The following GRIK4 variants were observed in gnomAD, a reference collection of about 807,000 sequenced individuals.
GRIK4 encodes the protein glutamate ionotropic receptor kainate type subunit 4, also known as glutamate receptor ionotropic, kainate 4.
GRIK4 carries 40 observed loss-of-function variants against 104.9 expected under a neutral mutation model. The observed-to-expected ratio is 0.38, with a 90% confidence interval of 0.30 to 0.50. The LOEUF (loss-of-function observed/expected upper bound fraction) is 0.50. GRIK4 is among the 20% of genes least tolerant of loss of function. The pLI is 0.93. For synonymous variants in GRIK4, 485 were observed against 524.9 expected, an observed-to-expected ratio of 0.92 and a Z score of 1.04; for missense variants, 1,047 against 1,308.1, an observed-to-expected ratio of 0.80 and a Z score of 3.08.
chr11:120,797,346 C>CCAGCCAGG (rs1169341543), intron 3 of GRIK4, among the ~76,000 whole-genome samples: 3 of 152,152 alleles, frequency 2.0e-5, no homozygotes, highest in South Asian at 4.2e-4. Flanking sequence ...GCGTCCCAGC[C>CCAGCCAGG]CAGCCAGGCA....
intron 9 of GRIK4, among the ~76,000 whole-genome samples, chr11:120,865,341 C>T (rs932561377): frequency 1.3e-5 from 2 of 152,248 alleles, no homozygotes; most frequent in Admixed American, 6.5e-5. Flanking sequence ...TCATGATACA[C>T]AATAAATATG....
At chr11:120,981,145 T>C (rs1313696907) in intron 19 of GRIK4, among the ~76,000 whole-genome samples, 1 of 152,190 alleles carries the variant, frequency 6.6e-6, no homozygotes, top group Non-Finnish European at 1.5e-5. Flanking sequence ...TTTCTGATTG[T>C]GGCCCCAGTT....
At chr11:120,717,472 A>G (rs566187665) in intron 3 of GRIK4, among the ~76,000 whole-genome samples, 236 of 152,014 alleles carry the variant, frequency 1.6e-3, no homozygotes, top group African/African-American at 5.3e-3. Context: ...TGGGCCCACT[A>G]TCTCCTTTGC....
chr11:120,907,202 C>T (rs1196713981), intron 13 of GRIK4, among the ~76,000 whole-genome samples: 1 of 152,174 alleles, frequency 6.6e-6, no homozygotes, highest in Non-Finnish European at 1.5e-5. Flanking sequence ...AGCCGAAATG[C>T]CAGGCCTTTT....
chr11:120,624,608 C>T (rs1472923060), intron 1 of GRIK4, among the ~76,000 whole-genome samples: 1 of 152,202 alleles, frequency 6.6e-6, no homozygotes, highest in African/African-American at 2.4e-5. Context: ...GTGAAGTCCT[C>T]TGCAAGACAC....
intron 3 of GRIK4, among the ~76,000 whole-genome samples, chr11:120,799,811 CT>C (rs1952589222): frequency 6.6e-6 from 1 of 152,142 alleles, no homozygotes; most frequent in Non-Finnish European, 1.5e-5. Flanking sequence ...TTAGATGTCT[CT>C]TTTCCTTGTT....
intron 3 of GRIK4, among the ~76,000 whole-genome samples, chr11:120,681,525 C>T (rs1360578549): frequency 6.6e-6 from 1 of 152,228 alleles, no homozygotes; most frequent in African/African-American, 2.4e-5. Flanking sequence ...ACTCTCCACC[C>T]TGGTCTAGAT....
rs73586154 is a variant in GRIK4 at position 120,542,001 on chromosome 11, A to G, written c.-159+30114A>G. Reference sequence around the variant, plus strand: ...CATATGGAGCCATAAAATACCTCAAATAGCCAAAACAGTCTTAAACAAAGT... The same window carrying G: ...CATATGGAGCCATAAAATACCTCAAGTAGCCAAAACAGTCTTAAACAAAGT... On this transcript the variant is annotated intron_variant, in intron 1 of 20. Transcript: ENST00000527524. Among the ~76,000 whole-genome samples the G allele has an allele frequency of 5.0e-3, 765 of 152,336 alleles. 4 individuals are homozygous for G. Among genetic ancestry groups the G allele is most frequent in the African/African-American group, 0.017 (725 of 41,564 alleles).
At chr11:120,609,960 G>A (rs1183840625) in intron 1 of GRIK4, among the ~76,000 whole-genome samples, 1 of 151,904 alleles carries the variant, frequency 6.6e-6, no homozygotes, top group East Asian at 1.9e-4. Context: ...TCCCCTCTCC[G>A]AGCCCCAGTC....
intron 9 of GRIK4, among the ~76,000 whole-genome samples, chr11:120,864,189 A>G (rs1352121074): frequency 1.3e-5 from 2 of 151,250 alleles, no homozygotes; most frequent in African/African-American, 4.9e-5. Context: ...TACAGTTCTC[A>G]TTCCAGTATT....
chr11:120,900,651 G>C (rs1942707827), intron 12 of GRIK4, among the ~76,000 whole-genome samples: 1 of 152,240 alleles, frequency 6.6e-6, no homozygotes, highest in Admixed American at 6.5e-5. Flanking sequence ...CAGGGGTCAG[G>C]GTGGCCTCTC....
intron 1 of GRIK4, among the ~76,000 whole-genome samples, chr11:120,530,637 G>A (rs550909791): frequency 2.0e-5 from 3 of 152,324 alleles, no homozygotes; most frequent in African/African-American, 7.2e-5. Context: ...CCAGACGGAA[G>A]CCTCTGTCTT....
chr11:120,876,881 A>G (rs1298296393), intron 11 of GRIK4, among the ~76,000 whole-genome samples: 2 of 152,208 alleles, frequency 1.3e-5, no homozygotes, highest in African/African-American at 4.8e-5. Context: ...CAAGCACCCA[A>G]GGTGATTCTA....
Position 120,627,642 on chromosome 11 carries a change from T to A in GRIK4, c.-158-26043T>A, listed in dbSNP as rs575774102. Among the ~76,000 whole-genome samples the A allele has an allele frequency of 2.6e-5, 4 of 152,278 alleles. No homozygotes were observed. In the South Asian group the frequency reaches 8.3e-4, roughly 32 times the overall value. ...CCCTGCTGGGGCAAAACTGTCAACA[T>A]GGCTGCTGCCCCCTCCCTGAAGGGC... On this transcript the variant is annotated intron_variant, in intron 1 of 20. Coordinates refer to ENST00000527524, the MANE Select transcript of GRIK4 (RefSeq NM_014619.5).
At chr11:120,954,832 A>C (rs614521) in intron 15 of GRIK4, among the ~76,000 whole-genome samples, 1,905 of 7,842 alleles carry the variant, frequency 0.24, 131 homozygotes, top group East Asian at 0.34. Flanking sequence ...CACACACACA[A>C]ACAATACTGG....
chr11:120,965,350 T>C (rs2134744328), intron 18 of GRIK4, among the ~76,000 whole-genome samples: 1 of 152,312 alleles, frequency 6.6e-6, no homozygotes, highest in South Asian at 2.1e-4. Context: ...AAATGTTCAT[T>C]AGTCTCACCA....
chr11:120,566,310 G>C (rs560670575), intron 1 of GRIK4, among the ~76,000 whole-genome samples: 1 of 152,308 alleles, frequency 6.6e-6, no homozygotes, highest in East Asian at 1.9e-4. Flanking sequence ...GAGACGTTAG[G>C]CACCCTGTCC....
At chr11:120,875,331 C>T (rs1364939419) in intron 11 of GRIK4, 88 bp downstream of exon 11, 1 of 821,726 alleles carries the variant, frequency 1.2e-6, no homozygotes, top group African/African-American at 1.7e-5. Context: ...CCTCCTGCTC[C>T]CAGTTATCCC....
intron 3 of GRIK4, among the ~76,000 whole-genome samples, chr11:120,711,028 T>G (rs1275529626): frequency 2.7e-5 from 4 of 146,272 alleles, no homozygotes; most frequent in East Asian, 2.0e-4. Context: ...TGCAGGGCCC[T>G]GCTCTCCCAT....
Sources: allele counts gnomAD v4.1 joint callset (sites outside exome capture counted in the v4.1 genomes callset), GRCh38; gene constraint gnomAD v4.1.1; transcripts MANE v1.5; gene names NCBI Gene and HGNC (gene_info 2026-07-23, HGNC 2026-07-21).